MINDY4: variants seen among roughly 807,000 people sequenced by gnomAD.
MINDY4 encodes probable ubiquitin carboxyl-terminal hydrolase MINDY-4.
Under a neutral mutation model 87.0 loss-of-function variants are expected in MINDY4, and 68 were observed. The ratio of observed to expected loss-of-function variants is 0.78; its 90% CI spans 0.64 to 0.96. The LOEUF (loss-of-function observed/expected upper bound fraction) is 0.96. MINDY4 is among the 40% of genes least tolerant of loss of function. MINDY4 has a pLI of 0.00. For synonymous variants in MINDY4, 379 were observed against 363.2 expected (o/e 1.04, Z -0.50); for missense variants, 919 against 928.2 (o/e 0.99, Z 0.13).
chr7:30,821,604 T>A (rs1329887379), intron 5 of MINDY4, among the ~76,000 whole-genome samples: 2 of 152,218 alleles, frequency 1.3e-5, no homozygotes, highest in Admixed American at 1.3e-4. Flanking sequence ...TCTATGAGAA[T>A]GCATGTCTGG....
intron 17 of MINDY4, among the ~76,000 whole-genome samples, chr7:30,885,079 C>T (rs147023351): frequency 2.6e-4 from 39 of 152,338 alleles, no homozygotes; most frequent in Non-Finnish European, 3.5e-4. Flanking sequence ...GGCTGAGCCC[C>T]ACCATCTCCT....
In MINDY4 at chr7:30,882,361, G is replaced by T; in HGVS notation, c.2152G>T (p.Asp718Tyr). The T allele has an allele frequency of 6.4e-7, 1 of 1,571,426 alleles. No individual in the cohort carries two copies. Among genetic ancestry groups the T allele is most frequent in the Non-Finnish European group, 8.7e-7 (1 of 1,153,534 alleles). ...NQQEQIRLTI[D>Y]TTQTISEDTD... ...GCAGGAGCAGATCCGGCTGACCATT[G>T]GTGCGGGCCCTCACCCCCCCACCCA... Residue 718 changes from aspartate (D) to tyrosine (Y), a missense_variant and splice_region_variant, in exon 16 of 18, where the codon GAC becomes TAC. Transcript: ENST00000265299.
intron 5 of MINDY4, among the ~76,000 whole-genome samples, chr7:30,818,902 A>G (rs575723861): frequency 2.0e-5 from 3 of 152,268 alleles, no homozygotes; most frequent in South Asian, 4.1e-4. Flanking sequence ...AAAAGCTCCT[A>G]TTGATAATGT....
chr7:30,892,001 T>G lies in MINDY4; in HGVS notation c.2270T>G (p.Leu757Arg). Residue 757 changes from leucine (L) to arginine (R), a missense_variant, in exon 18 of 18, where the codon CTG becomes CGG. Coordinates refer to ENST00000265299, the MANE Select transcript of MINDY4 (RefSeq NM_032222.3). ...SVNWNGSDPI[L>R] ...AACTGGAACGGCTCAGACCCCATCC[T>G]GTGACCGTTGGATGTGGGTAAACCC... 6.2e-7 allele frequency: 1 copy of G among 1,614,186 alleles called. No individual in the cohort carries two copies. The highest frequency in any genetic ancestry group is 8.5e-7 in the Non-Finnish European group (1 of 1,180,000).
chr7:30,856,542 T>G (rs1789574531), intron 12 of MINDY4, among the ~76,000 whole-genome samples: 2 of 151,962 alleles, frequency 1.3e-5, no homozygotes, highest in African/African-American at 4.8e-5. Flanking sequence ...TGGGTTTCTG[T>G]GTCTGTTACT....
chr7:30,839,764 A>C (rs1446186086), intron 8 of MINDY4, among the ~76,000 whole-genome samples: 2 of 152,146 alleles, frequency 1.3e-5, no homozygotes, highest in East Asian at 3.9e-4. Context: ...TAGGGGCTGC[A>C]TGAAAAGGCA....
At position 30,853,408 on chromosome 7, in the gene MINDY4, T is replaced by A. The variant is rs1789477357; in HGVS notation, c.1626T>A (p.Ser542Arg). Residue 542 changes from serine to arginine, a missense_variant, in exon 12 of 18, where the codon AGT becomes AGA. Transcript: ENST00000265299. ...TGTCTTCTCAGCTTACGCTTCACAG[T>A]TTGACCTGCTATGAGGACCTGGTGA... ...DGVLETLTLH[S>R]LTCYEDLVTF... is the part of the protein sequence containing the mutation. 1 of 1,613,704 alleles carries A rather than the reference T, an allele frequency of 6.2e-7. No homozygotes were observed. Among genetic ancestry groups the A allele is most frequent in the East Asian group, 2.2e-5 (1 of 44,880 alleles).
chr7:30,810,500 T>C (rs1787956429), intron 5 of MINDY4, among the ~76,000 whole-genome samples: 1 of 152,138 alleles, frequency 6.6e-6, no homozygotes, highest in South Asian at 2.1e-4. Flanking sequence ...AAAACATAAT[T>C]ATATACAAAA....
chr7:30,794,092 C>T (rs10278285), intron 5 of MINDY4, among the ~76,000 whole-genome samples: 76,422 of 151,894 alleles, frequency 0.5, 19,840 homozygotes, highest in African/African-American at 0.57. Flanking sequence ...CTCAGCGAGG[C>T]GTCTTTGTGT....
At chr7:30,884,327 C>A (rs1335125914) in intron 17 of MINDY4, among the ~76,000 whole-genome samples, 1 of 152,204 alleles carries the variant, frequency 6.6e-6, no homozygotes, top group African/African-American at 2.4e-5. Flanking sequence ...CACCTGCCCG[C>A]CCCCTGAGCC....
intron 5 of MINDY4, among the ~76,000 whole-genome samples, chr7:30,792,703 A>G (rs1787362583): frequency 1.3e-5 from 2 of 151,968 alleles, no homozygotes; most frequent in Admixed American, 6.6e-5. Context: ...ATCTGTAGTT[A>G]TGTCTTTGTT....
At chr7:30,773,885 C>T (rs62446927) in intron 1 of MINDY4, among the ~76,000 whole-genome samples, 23,135 of 152,134 alleles carry the variant, frequency 0.15, 2,681 homozygotes, top group African/African-American at 0.32. Context: ...ACCCACCTAC[C>T]TCTCACCCAC....
intron 4 of MINDY4, among the ~76,000 whole-genome samples, chr7:30,790,609 A>G (rs1439950244): frequency 6.6e-6 from 1 of 151,628 alleles, no homozygotes; most frequent in East Asian, 1.9e-4. Flanking sequence ...AAGCCTGGCT[A>G]TTTTTTTGTA....
intron 5 of MINDY4, among the ~76,000 whole-genome samples, chr7:30,808,756 C>T (rs1787892250): frequency 6.6e-6 from 1 of 152,108 alleles, no homozygotes; most frequent in Admixed American, 6.5e-5. Flanking sequence ...AGCCAGGGCA[C>T]CCAGACCAGT....
intron 5 of MINDY4, among the ~76,000 whole-genome samples, chr7:30,807,327 C>T (rs1282705047): frequency 6.6e-6 from 1 of 152,150 alleles, no homozygotes; most frequent in Non-Finnish European, 1.5e-5. Flanking sequence ...CAAAGAAACC[C>T]ATCCACACAC....
In MINDY4 at chr7:30,836,660, G is replaced by A; in HGVS notation, c.1135G>A (p.Asp379Asn). 6.2e-7 allele frequency: 1 copy of A among 1,613,706 alleles called. No individual in the cohort carries two copies. Among genetic ancestry groups the A allele is most frequent in the Non-Finnish European group, 8.5e-7 (1 of 1,179,642 alleles). ...DGELGALRLE[D>N]VEDELIREEV... ...ACATGGCCATGGTTTTCTTTCAGAG[G>A]ATGTGGAGGATGAGTTGATAAGGGA... The change falls in exon 7 of 18, where the codon GAT becomes AAT. Residue 379 changes from aspartate to asparagine, a missense_variant and splice_region_variant. By Grantham distance (23) the Asp-to-Asn change is conservative. Coordinates refer to ENST00000265299, the MANE Select transcript of MINDY4 (RefSeq NM_032222.3).
chr7:30,879,294 A>G (rs1790385322), intron 15 of MINDY4, among the ~76,000 whole-genome samples: 1 of 152,194 alleles, frequency 6.6e-6, no homozygotes, highest in Admixed American at 6.5e-5. Context: ...ATCACACAGC[A>G]GGAAGTCCTT....
At chr7:30,829,170 G>T (rs1260716804) in intron 6 of MINDY4, among the ~76,000 whole-genome samples, 2 of 152,208 alleles carry the variant, frequency 1.3e-5, no homozygotes, top group African/African-American at 4.8e-5. Context: ...AAGGCATTAA[G>T]TGTACAACCT....
chr7:30,872,653 C>T (rs760488318), intron 14 of MINDY4, among the ~76,000 whole-genome samples: 9 of 152,198 alleles, frequency 5.9e-5, no homozygotes, highest in Admixed American at 5.9e-4. Context: ...GGCCAGGGGA[C>T]CCTGGGTCCA....
Sources: allele counts gnomAD v4.1 joint callset (sites outside exome capture counted in the v4.1 genomes callset), GRCh38; gene constraint gnomAD v4.1.1; transcripts MANE v1.5; gene names NCBI Gene and HGNC (gene_info 2026-07-23, HGNC 2026-07-21).